Variants in TTC28 observed in about 807,000 individuals in gnomAD.
The protein encoded by TTC28 is tetratricopeptide repeat domain 28.
TTC28 carries 61 observed loss-of-function variants against 198.0 expected under a neutral mutation model. That is an observed-to-expected ratio of 0.31 (90% CI 0.25 to 0.38). The LOEUF is 0.38. Among genes scored for constraint, TTC28 ranks in the 10% least tolerant of loss-of-function variants. The pLI is 1.00. For synonymous variants in TTC28, 1,171 were observed against 1,297.8 expected, an observed-to-expected ratio of 0.90 and a Z score of 2.10; for missense variants, 2,678 against 3,164.0, an observed-to-expected ratio of 0.85 and a Z score of 3.69.
At chr22:28,192,682 A>C (rs539598018) in intron 5 of TTC28, among the ~76,000 whole-genome samples, 1 of 152,270 alleles carries the variant, frequency 6.6e-6, no homozygotes, top group Admixed American at 6.5e-5. Context: ...AAGTGGAAGA[A>C]AGGGTATCAG....
At chr22:28,301,372 T>C (rs1003130884) in intron 3 of TTC28, among the ~76,000 whole-genome samples, 6 of 152,172 alleles carry the variant, frequency 3.9e-5, no homozygotes, top group African/African-American at 1.4e-4. Flanking sequence ...TCAAACCAAC[T>C]CCATAAGAAC....
At chr22:28,037,644 C>G (rs1939420001) in intron 12 of TTC28, among the ~76,000 whole-genome samples, 1 of 152,170 alleles carries the variant, frequency 6.6e-6, no homozygotes, top group South Asian at 2.1e-4. Context: ...TCCTATTCAA[C>G]ATAGTGTTGG....
At chr22:28,595,692 GAGGC>G (rs1569048188) in intron 2 of TTC28, among the ~76,000 whole-genome samples, 1 of 152,188 alleles carries the variant, frequency 6.6e-6, no homozygotes. Flanking sequence ...TTGGGAGGCC[GAGGC>G]AGGCGGCTCA....
chr22:28,434,526 A>G (rs2047488700), intron 2 of TTC28, among the ~76,000 whole-genome samples: 1 of 152,164 alleles, frequency 6.6e-6, no homozygotes, highest in African/African-American at 2.4e-5. Flanking sequence ...TCTACTCTCC[A>G]TTCCACCCTC....
At chr22:28,108,740 TG>T (rs1299839666) in intron 6 of TTC28, among the ~76,000 whole-genome samples, 5 of 152,378 alleles carry the variant, frequency 3.3e-5, no homozygotes, top group African/African-American at 9.6e-5. Context: ...AGAGTTTATT[TG>T]GTTTGATTTT....
At chr22:28,355,144 C>T (rs2046056286) in intron 2 of TTC28, among the ~76,000 whole-genome samples, 1 of 152,048 alleles carries the variant, frequency 6.6e-6, no homozygotes, top group African/African-American at 2.4e-5. Context: ...TTCATACAAA[C>T]ACTATGCTAT....
chr22:28,181,115 A>G (rs1468119647), intron 5 of TTC28, among the ~76,000 whole-genome samples: 2 of 152,210 alleles, frequency 1.3e-5, no homozygotes, highest in Non-Finnish European at 2.9e-5. Context: ...GCCTTTTCCA[A>G]TGCTGTGGGA....
At chr22:28,226,194 T>A (rs1432486654) in intron 5 of TTC28, among the ~76,000 whole-genome samples, 1 of 152,170 alleles carries the variant, frequency 6.6e-6, no homozygotes, top group East Asian at 1.9e-4. Flanking sequence ...TAGGTATGTG[T>A]TTAACTTTGT....
intron 11 of TTC28, 108 bp from the exon 12 acceptor site, chr22:28,094,353 C>T: frequency 3.2e-6 from 4 of 1,232,014 alleles, no homozygotes; most frequent in South Asian, 1.9e-5. Context: ...CTTTGACAAG[C>T]ATGCCATCCT....
At chr22:28,249,975 A>G (rs1930403227) in intron 5 of TTC28, among the ~76,000 whole-genome samples, 1 of 152,304 alleles carries the variant, frequency 6.6e-6, no homozygotes, top group South Asian at 2.1e-4. Flanking sequence ...GAGGACTCTC[A>G]GCTACTTACA....
At chr22:28,377,424 A>G (rs2146012719) in intron 2 of TTC28, among the ~76,000 whole-genome samples, 1 of 151,434 alleles carries the variant, frequency 6.6e-6, no homozygotes, top group Admixed American at 6.6e-5. Flanking sequence ...TTTATATATC[A>G]CTTTATAGAA....
rs577561402 is a variant in TTC28 at position 27,998,520 on chromosome 22, G to A, written c.5119+20C>T. 77 of 1,538,820 alleles carry A rather than the reference G, an allele frequency of 5.0e-5. No individual in the cohort carries two copies. The East Asian group carries it at 1.5e-3, about 30-fold the overall frequency. ...GAGCCCCAGGCCTTGACAGGCACCCGCAGCCAGCCGAACTCCCACCTGCCC... is the reference window on the plus strand; with the variant it reads ...GAGCCCCAGGCCTTGACAGGCACCCACAGCCAGCCGAACTCCCACCTGCCC... On this transcript the variant is annotated intron_variant, in intron 16 of 22. Coordinates refer to ENST00000397906, the MANE Select transcript of TTC28 (RefSeq NM_001145418.2).
chr22:28,215,233 T>C (rs1471138541), intron 5 of TTC28, among the ~76,000 whole-genome samples: 1 of 152,166 alleles, frequency 6.6e-6, no homozygotes, highest in African/African-American at 2.4e-5. Flanking sequence ...TGTACATATG[T>C]AACAAACCTG....
intron 22 of TTC28, among the ~76,000 whole-genome samples, chr22:27,984,675 C>T (rs1458132334): frequency 6.6e-6 from 1 of 152,234 alleles, no homozygotes; most frequent in Non-Finnish European, 1.5e-5. Context: ...AAGCCCATTC[C>T]TCCTGCCACT....
intron 11 of TTC28, 97 bp downstream of exon 11, chr22:28,096,093 G>A (rs1407272808): frequency 1.1e-5 from 15 of 1,398,544 alleles, no homozygotes; most frequent in Non-Finnish European, 1.4e-5. Context: ...CAGTTCCTTA[G>A]TATGATCTAT....
At chr22:28,492,739 G>T (rs2048396627) in intron 2 of TTC28, among the ~76,000 whole-genome samples, 1 of 152,166 alleles carries the variant, frequency 6.6e-6, no homozygotes, top group Non-Finnish European at 1.5e-5. Context: ...ACTAGGATTG[G>T]TTTAAAGTCT....
At chr22:28,553,381 G>A (rs1263853514) in intron 2 of TTC28, among the ~76,000 whole-genome samples, 3 of 151,654 alleles carry the variant, frequency 2.0e-5, no homozygotes, top group Non-Finnish European at 4.4e-5. Flanking sequence ...AGGAAGTGAG[G>A]AGCGTCTCTG....
chr22:28,082,508 T>C (rs1941404959), intron 12 of TTC28, among the ~76,000 whole-genome samples: 1 of 152,248 alleles, frequency 6.6e-6, no homozygotes, highest in African/African-American at 2.4e-5. Flanking sequence ...CAAATGATCA[T>C]GTGTTTTTTG....
intron 2 of TTC28, among the ~76,000 whole-genome samples, chr22:28,580,288 T>G (rs1354871747): frequency 3.3e-5 from 5 of 152,228 alleles, no homozygotes; most frequent in Non-Finnish European, 7.3e-5. Context: ...ATACCATCTT[T>G]TACTATCTCC....
Sources: gnomAD v4.1 joint callset for allele counts (sites outside exome capture counted in the v4.1 genomes callset) on GRCh38, gnomAD v4.1.1 for gene constraint, MANE v1.5 for transcripts, NCBI Gene and HGNC (gene_info 2026-07-23, HGNC 2026-07-21) for gene names.